The following CCL15 variants were observed in gnomAD, a reference collection of about 807,000 sequenced individuals.
The protein encoded by CCL15 is C-C motif chemokine 15.
A neutral mutation model predicts 10.6 loss-of-function variants in CCL15; 8 were observed. The ratio of observed to expected loss-of-function variants is 0.75; its 90% CI spans 0.44 to 1.36. The LOEUF (loss-of-function observed/expected upper bound fraction) is 1.36. Among genes scored for constraint, CCL15 ranks in the 40% most tolerant of loss-of-function variants. The pLI, the probability that CCL15 is intolerant of heterozygous loss-of-function variation, is 0.00. For missense variants in CCL15, 128 were observed against 136.6 expected (o/e 0.94, Z 0.32); for synonymous variants, 51 against 48.8 (o/e 1.04, Z -0.19).
intron 1 of CCL15, among the ~76,000 whole-genome samples, chr17:35,999,336 T>C (rs1209299941): frequency 2.6e-5 from 4 of 152,216 alleles, no homozygotes; most frequent in Non-Finnish European, 4.4e-5. Context: ...AGTGAGTCTA[T>C]TATGGTATTT....
rs1008236856 is a variant in CCL15, at chr17:35,999,058, T to C, written c.77-133A>G. ...GCTGGACCACCACCACCTGTCTGGG[T>C]TCTAGGCCTGCCTCCTGGCCCATTT... On this transcript the variant is annotated intron_variant, in intron 1 of 3. Coordinates refer to ENST00000617897, the MANE Select transcript of CCL15 (RefSeq NM_032965.6). The C allele has an allele frequency of 4.1e-6, 3 of 722,990 alleles. No individual in the cohort carries two copies. In the African/African-American group the frequency reaches 5.3e-5, roughly 13 times the overall value. 44.8% of individuals were successfully genotyped at this position (722,990 alleles called of 1,614,324 possible).
intron 2 of CCL15, 88 bp downstream of exon 2, chr17:35,998,778 C>T (rs41505146): frequency 0.051 from 54,385 of 1,070,674 alleles, 1,598 homozygotes; most frequent in Admixed American, 0.078. Flanking sequence ...CATTCTCCTC[C>T]CATTCTGTAA....
chr17:35,999,282 AG>A (rs1470260959), intron 1 of CCL15, among the ~76,000 whole-genome samples: 1 of 152,168 alleles, frequency 6.6e-6, no homozygotes, highest in Non-Finnish European at 1.5e-5. Context: ...GGAAACAGAG[AG>A]GTTTTATCAG....
intron 1 of CCL15, 127 bp from the exon 2 acceptor site, chr17:35,999,052 T>C: frequency 1.3e-6 from 1 of 760,936 alleles, no homozygotes; most frequent in South Asian, 1.6e-5. Context: ...CCACCACCTG[T>C]CTGGGTTCTA....
rs1319359659 is a variant in CCL15 at position 36,001,452 on chromosome 17, A to C, written c.41T>G (p.Val14Gly). ...CTGGGCCTGGGATCCAAGGACAGCA[A>C]CAAGCATGAGGCAGGAGAGGGCAGC... is the stretch of plus-strand genomic sequence containing the variant. The part of the protein sequence containing the change: ...SVAALSCLML[V>G]AVLGSQAQFT... Residue 14 changes from valine (V) to glycine (G), a missense_variant, in exon 1 of 4, where the codon GTT (valine) becomes GGT (glycine). Transcript: ENST00000617897. The C allele has an allele frequency of 6.2e-7, 1 of 1,614,126 alleles. No individual in the cohort carries two copies. The highest frequency in any genetic ancestry group is 1.1e-5 in the South Asian group (1 of 91,080).
chr17:35,999,623 C>G (rs973138470), intron 1 of CCL15, among the ~76,000 whole-genome samples: 1 of 151,990 alleles, frequency 6.6e-6, no homozygotes, highest in African/African-American at 2.4e-5. Context: ...GCCACAATGC[C>G]TAGCTAATAG....
rs769279291 is a variant in CCL15 at position 36,001,481 on chromosome 17, G to A, written c.12C>T (p.Ser4=). MKV[S]VAALSCLMLV... is the part of the protein sequence containing the mutation. The stretch of plus-strand genomic sequence containing the variant: ...GCATGAGGCAGGAGAGGGCAGCCAC[G>A]GAGACCTTCATCCTCCTGGTGGGCA... Residue 4 remains serine, a synonymous_variant, in exon 1 of 4, where the codon TCC becomes TCT. Transcript: ENST00000617897. 3.9e-5 allele frequency: 63 copies of A among 1,613,580 alleles called. No homozygotes were observed. Among genetic ancestry groups the A allele is most frequent in the Non-Finnish European group, 5.0e-5 (59 of 1,180,002 alleles).
At chr17:36,000,724 A>G (rs1243122984) in intron 1 of CCL15, among the ~76,000 whole-genome samples, 1 of 151,660 alleles carries the variant, frequency 6.6e-6, no homozygotes. Flanking sequence ...TATTCAGACT[A>G]CCCAGCCCTA....
chr17:35,998,585 A>G (rs562490763), intron 2 of CCL15, among the ~76,000 whole-genome samples, 194 bp from the exon 3 acceptor site: 5 of 152,348 alleles, frequency 3.3e-5, no homozygotes, highest in East Asian at 1.9e-4. Flanking sequence ...AGCAGGACCA[A>G]GAAAATTTCC....
intron 3 of CCL15, 117 bp downstream of exon 3, chr17:35,998,163 T>C: frequency 1.4e-6 from 1 of 691,322 alleles, no homozygotes; most frequent in Non-Finnish European, 2.6e-6. Flanking sequence ...ACAGCTGCCC[T>C]GTATCTGGCA....
intron 2 of CCL15, 106 bp downstream of exon 2, chr17:35,998,760 G>A (rs1373673166): frequency 1.1e-6 from 1 of 935,604 alleles, no homozygotes; most frequent in African/African-American, 1.6e-5. Context: ...CCACCCTCAG[G>A]ACCCTCTCAT....
At chr17:35,998,421 CA>C (rs778235488) in intron 2 of CCL15, 30 bp from the exon 3 acceptor site, 1 of 1,476,116 alleles carries the variant, frequency 6.8e-7, no homozygotes, top group African/African-American at 1.4e-5. Context: ...CATCTGAGGG[CA>C]AATCTTTCTC....
intron 1 of CCL15, among the ~76,000 whole-genome samples, chr17:36,000,149 T>TAAA (rs2089974345): frequency 1.3e-5 from 1 of 75,484 alleles, no homozygotes; most frequent in African/African-American, 8.5e-5. Context: ...AGACTCCATC[T>TAAA]CAAAAAAAAA....
In CCL15 at chr17:35,997,600, T is replaced by A; in HGVS notation, c.*167A>T. ...CAGTTGCTTCAGTTTTATATTAGTT[T>A]ATTTCCTCTTAAAACTCAAGCAAAG... On this transcript the variant is annotated 3_prime_UTR_variant, in exon 4 of 4. Coordinates refer to ENST00000617897, the MANE Select transcript of CCL15 (RefSeq NM_032965.6). The A allele has an allele frequency of 1.8e-6, 1 of 553,688 alleles. No homozygotes were observed. The highest frequency in any genetic ancestry group is 3.3e-5 in the Admixed American group (1 of 30,500). The allele number at this position is 553,688 out of a possible 1,614,324, so 34.3% of individuals were successfully genotyped here.
intron 1 of CCL15, among the ~76,000 whole-genome samples, chr17:35,999,552 G>C (rs2089964360): frequency 1.3e-5 from 2 of 151,358 alleles, no homozygotes; most frequent in South Asian, 4.2e-4. Flanking sequence ...CAGCCTTGAG[G>C]TCCTGGGCTC....
chr17:35,998,711 G>T (rs568266748), intron 2 of CCL15, among the ~76,000 whole-genome samples, 155 bp downstream of exon 2: 1 of 152,320 alleles, frequency 6.6e-6, no homozygotes, highest in African/African-American at 2.4e-5. Context: ...TATGGAGGGG[G>T]TCCCCCTACC....
Position 35,997,591 on chromosome 17 carries a change from A to G in CCL15, c.*176T>C, listed in dbSNP as rs1036397507. 6.3e-5 allele frequency: 34 copies of G among 543,030 alleles called. No individual in the cohort carries two copies. In the African/African-American group the frequency reaches 6.3e-4, roughly 10 times the overall value. 33.6% of individuals were successfully genotyped at this position (543,030 alleles called of 1,614,324 possible). A position where few individuals can be genotyped will look rare whatever the true frequency, so the allele number is the denominator to read the frequency against. ...GGGGCTCAGCAGTTGCTTCAGTTTT[A>G]TATTAGTTTATTTCCTCTTAAAACT... On this transcript the variant is annotated 3_prime_UTR_variant, in exon 4 of 4. Coordinates refer to ENST00000617897, the MANE Select transcript of CCL15 (RefSeq NM_032965.6).
At chr17:35,998,956 C>T (rs201330149) in intron 1 of CCL15, 31 bp from the exon 2 acceptor site, 28 of 1,581,726 alleles carry the variant, frequency 1.8e-5, no homozygotes, top group African/African-American at 1.1e-4. Context: ...AAGGAAATCA[C>T]TGGGTGGCAG....
intron 1 of CCL15, among the ~76,000 whole-genome samples, chr17:36,000,067 C>G (rs184121502): frequency 2.3e-4 from 34 of 148,784 alleles, no homozygotes; most frequent in African/African-American, 7.5e-4. Flanking sequence ...AGGAGAATGG[C>G]GTGAACCGGG....
Sources: gnomAD v4.1 joint callset for allele counts (sites outside exome capture counted in the v4.1 genomes callset) on GRCh38, gnomAD v4.1.1 for gene constraint, MANE v1.5 for transcripts, NCBI Gene and HGNC (gene_info 2026-07-23, HGNC 2026-07-21) for gene names.